Variants in SCAPER observed in about 807,000 individuals in gnomAD.
SCAPER encodes the protein S phase cyclin A-associated protein in the endoplasmic reticulum.
Under a neutral mutation model 182.2 loss-of-function variants are expected in SCAPER, and 98 were observed. The ratio of observed to expected loss-of-function variants is 0.54; its 90% CI spans 0.46 to 0.64. The LOEUF is 0.64. Among genes scored for constraint, SCAPER ranks in the 30% least tolerant of loss-of-function variants. The probability of loss-of-function intolerance (pLI) is 0.00; values close to 1 mark genes in which losing one functional copy is unlikely to be tolerated. For synonymous variants in SCAPER, 605 were observed against 564.6 expected (o/e 1.07, Z -1.01); for missense variants, 1,432 against 1,690.0 (o/e 0.85, Z 2.68).
intron 14 of SCAPER, among the ~76,000 whole-genome samples, chr15:76,754,316 T>A (rs1269379282): frequency 2.0e-5 from 3 of 152,096 alleles, no homozygotes. Context: ...ACTGTTACCA[T>A]GAGTATGTTT....
At chr15:76,607,569 G>T (rs1026928513) in intron 22 of SCAPER, among the ~76,000 whole-genome samples, 6 of 152,178 alleles carry the variant, frequency 3.9e-5, no homozygotes, top group African/African-American at 1.4e-4. Flanking sequence ...GGCCTGCCTT[G>T]CTAGATTGGG....
rs768830588 is a variant in SCAPER, at chr15:76,559,345, T to G, written c.2838+14813A>C. Among the ~76,000 whole-genome samples, 38 of 151,764 alleles carry G rather than the reference T, an allele frequency of 2.5e-4. 1 individual carries two copies. Among genetic ancestry groups the G allele is most frequent in the Admixed American group, 1.7e-3 (26 of 15,228 alleles). Reference sequence around the variant, plus strand: ...TGCTGGGATTACAGTTGTGAGCCACTGCACCCGGCCGAGATCTGATGGTTT... The same window carrying G: ...TGCTGGGATTACAGTTGTGAGCCACGGCACCCGGCCGAGATCTGATGGTTT... On this transcript the variant is annotated intron_variant, in intron 23 of 31. Coordinates refer to ENST00000563290, the MANE Select transcript of SCAPER (RefSeq NM_020843.4).
At chr15:76,516,495 A>C (rs1402699520) in intron 23 of SCAPER, among the ~76,000 whole-genome samples, 1 of 151,566 alleles carries the variant, frequency 6.6e-6, no homozygotes, top group East Asian at 1.9e-4. Flanking sequence ...TACTTTGCTG[A>C]GAATGATGGT....
chr15:76,559,352 G>A (rs2046432911), intron 23 of SCAPER, among the ~76,000 whole-genome samples: 2 of 151,730 alleles, frequency 1.3e-5, no homozygotes, highest in Admixed American at 6.6e-5. Flanking sequence ...CACTGCACCC[G>A]GCCGAGATCT....
chr15:76,474,944 A>C (rs1288707668), intron 24 of SCAPER, among the ~76,000 whole-genome samples: 3 of 152,094 alleles, frequency 2.0e-5, no homozygotes, highest in Non-Finnish European at 4.4e-5. Context: ...TGAAAAAAAA[A>C]CCTTGACCCA....
chr15:76,740,695 C>A (rs2061495228), intron 15 of SCAPER, among the ~76,000 whole-genome samples: 1 of 151,982 alleles, frequency 6.6e-6, no homozygotes. Context: ...ATGAGCTTTT[C>A]CTAGAAAAAA....
intron 18 of SCAPER, among the ~76,000 whole-genome samples, chr15:76,703,304 A>C (rs2059064930): frequency 6.6e-6 from 1 of 152,172 alleles, no homozygotes; most frequent in South Asian, 2.1e-4. Flanking sequence ...ACTTTACAGA[A>C]CCTCCAGTAC....
chr15:76,410,212 CCTT>C (rs897186930), intron 26 of SCAPER, among the ~76,000 whole-genome samples: 1 of 152,180 alleles, frequency 6.6e-6, no homozygotes, highest in Non-Finnish European at 1.5e-5. Context: ...TCTGAAATCT[CCTT>C]CTCCCACTAT....
chr15:76,366,007 C>T (rs1286132358), intron 29 of SCAPER, among the ~76,000 whole-genome samples: 1 of 151,844 alleles, frequency 6.6e-6, no homozygotes, highest in Non-Finnish European at 1.5e-5. Flanking sequence ...AATATGCCAC[C>T]CCCAAATTCT....
intron 23 of SCAPER, among the ~76,000 whole-genome samples, chr15:76,544,458 C>T (rs1026538593): frequency 4.6e-5 from 7 of 152,142 alleles, no homozygotes; most frequent in Non-Finnish European, 1.0e-4. Context: ...CTACTGTATA[C>T]ATACAGTGGA....
chr15:76,638,159 T>G lies in SCAPER; in HGVS notation c.2646-16330A>C, dbSNP rs536535565. 5.9e-5 allele frequency among the ~76,000 whole-genome samples: 9 copies of G among 152,270 alleles called. No individual in the cohort carries two copies. In the South Asian group the frequency reaches 1.9e-3, roughly 32 times the overall value. ...AATCTTAATTTTGATTTAATCCAAT[T>G]TATGTTTTTGTTGCTTGCCATTTTG... On this transcript the variant is annotated intron_variant, in intron 21 of 31. Transcript: ENST00000563290.
intron 26 of SCAPER, among the ~76,000 whole-genome samples, chr15:76,429,876 C>A (rs1287746546): frequency 6.6e-6 from 1 of 152,162 alleles, no homozygotes; most frequent in South Asian, 2.1e-4. Context: ...GTCGCCAGGG[C>A]ATGTCAGAGG....
chr15:76,412,935 G>A (rs963553564), intron 26 of SCAPER, among the ~76,000 whole-genome samples: 1 of 151,970 alleles, frequency 6.6e-6, no homozygotes, highest in Non-Finnish European at 1.5e-5. Context: ...TAGAGGTGTT[G>A]CTTTACTTTC....
chr15:76,742,053 G>A (rs549770332), intron 15 of SCAPER, among the ~76,000 whole-genome samples: 7 of 152,190 alleles, frequency 4.6e-5, no homozygotes, highest in African/African-American at 1.4e-4. Flanking sequence ...TAAAGGATTG[G>A]TTAGAGAGTA....
At chr15:76,860,294 T>A (rs926303852) in intron 3 of SCAPER, among the ~76,000 whole-genome samples, 2 of 152,188 alleles carry the variant, frequency 1.3e-5, no homozygotes, top group Non-Finnish European at 2.9e-5. Context: ...CATGTTGATA[T>A]GTACTTTTAT....
At chr15:76,650,720 A>C (rs2054962455) in intron 21 of SCAPER, among the ~76,000 whole-genome samples, 2 of 152,132 alleles carry the variant, frequency 1.3e-5, no homozygotes, top group Non-Finnish European at 2.9e-5. Flanking sequence ...GCACAATATA[A>C]GTGCATTTCA....
At chr15:76,581,822 G>A (rs981719709) in intron 22 of SCAPER, among the ~76,000 whole-genome samples, 1 of 152,090 alleles carries the variant, frequency 6.6e-6, no homozygotes, top group Admixed American at 6.5e-5. Context: ...CTGAGCTCAG[G>A]CAATCTGCCA....
chr15:76,479,575 A>C (rs2050935576), intron 24 of SCAPER, among the ~76,000 whole-genome samples: 1 of 152,226 alleles, frequency 6.6e-6, no homozygotes, highest in African/African-American at 2.4e-5. Context: ...AAAGCATCAT[A>C]AAATTGGGTC....
intron 22 of SCAPER, among the ~76,000 whole-genome samples, chr15:76,585,535 T>C (rs188541061): frequency 4.6e-5 from 7 of 152,240 alleles, no homozygotes; most frequent in African/African-American, 1.7e-4. Context: ...GCAACAGATA[T>C]ATATGAATCT....
Sources: gnomAD v4.1 joint callset for allele counts (sites outside exome capture counted in the v4.1 genomes callset) on GRCh38, gnomAD v4.1.1 for gene constraint, MANE v1.5 for transcripts, NCBI Gene and HGNC (gene_info 2026-07-23, HGNC 2026-07-21) for gene names.